Variants in AGBL1 observed in about 807,000 individuals in gnomAD.
The protein encoded by AGBL1 is AGBL carboxypeptidase 1.
AGBL1 carries 130 observed loss-of-function variants against 118.9 expected under a neutral mutation model. The ratio of observed to expected loss-of-function variants is 1.09; its 90% CI spans 0.95 to 1.26. The LOEUF (loss-of-function observed/expected upper bound fraction) is 1.26. Among genes scored for constraint, AGBL1 ranks in the 50% most tolerant of loss-of-function variants. The probability of loss-of-function intolerance (pLI) is 0.00; values close to 1 mark genes in which losing one functional copy is unlikely to be tolerated. For missense variants in AGBL1, 1,584 were observed against 1,298.1 expected (o/e 1.22, Z -3.38); for synonymous variants, 555 against 478.9 (o/e 1.16, Z -2.08).
At chr15:86,365,888 G>T (rs998325870) in intron 17 of AGBL1, among the ~76,000 whole-genome samples, 3 of 148,910 alleles carry the variant, frequency 2.0e-5, no homozygotes, top group African/African-American at 4.8e-5. Flanking sequence ...GACAAAAATT[G>T]ATATTTTATC....
intron 1 of AGBL1, among the ~76,000 whole-genome samples, chr15:86,119,307 G>A (rs1897947620): frequency 6.6e-6 from 1 of 151,816 alleles, no homozygotes; most frequent in South Asian, 2.1e-4. Context: ...GTGCTTAAGT[G>A]TAGGTAGGAC....
At position 86,632,067 on chromosome 15, in the gene AGBL1, C is replaced by T. The variant is rs138136497; in HGVS notation, c.2995-42206C>T. 8.6e-3 allele frequency among the ~76,000 whole-genome samples: 1,297 copies of T among 150,902 alleles called. 33 individuals carry two copies. Among genetic ancestry groups the T allele is most frequent in the Admixed American group, 0.051 (764 of 15,108 alleles). ...TTAAAGTTAACCAGGAGTTTGAGGGCAGTCTGCGCAAGCCTAGGGAGACCC... is the reference window on the plus strand; with the variant it reads ...TTAAAGTTAACCAGGAGTTTGAGGGTAGTCTGCGCAAGCCTAGGGAGACCC... On this transcript the variant is annotated intron_variant, in intron 21 of 22. Coordinates refer to ENST00000614907, the MANE Select transcript of AGBL1 (RefSeq NM_001386094.1).
intron 24 of AGBL1, among the ~76,000 whole-genome samples, chr15:87,012,709 A>C (rs1051136077): frequency 9.9e-5 from 15 of 151,930 alleles, no homozygotes; most frequent in Non-Finnish European, 4.4e-5. Context: ...ATACGAAAAA[A>C]ATTATTTTTT....
chr15:86,611,142 A>C (rs1184314351), intron 21 of AGBL1, among the ~76,000 whole-genome samples: 1 of 152,192 alleles, frequency 6.6e-6, no homozygotes, highest in Non-Finnish European at 1.5e-5. Context: ...GATAATGGGC[A>C]CTGCATTAAA....
intron 4 of AGBL1, among the ~76,000 whole-genome samples, chr15:86,158,216 C>G (rs16948771): frequency 6.6e-6 from 1 of 151,550 alleles, no homozygotes; most frequent in African/African-American, 2.4e-5. Context: ...CAGCCTCAGT[C>G]TCTATCTGAA....
At chr15:86,499,578 T>C (rs1261675657) in intron 18 of AGBL1, among the ~76,000 whole-genome samples, 1 of 151,876 alleles carries the variant, frequency 6.6e-6, no homozygotes, top group Non-Finnish European at 1.5e-5. Flanking sequence ...AGGAGGATTG[T>C]ACATTGACTT....
At chr15:86,288,208 T>C (rs1307708429) in intron 16 of AGBL1, among the ~76,000 whole-genome samples, 2 of 152,182 alleles carry the variant, frequency 1.3e-5, no homozygotes, top group Admixed American at 1.3e-4. Flanking sequence ...CTCAAATGTT[T>C]ATAAAAATCT....
At chr15:86,418,006 A>G (rs1211234812) in intron 18 of AGBL1, among the ~76,000 whole-genome samples, 3 of 152,142 alleles carry the variant, frequency 2.0e-5, no homozygotes, top group Admixed American at 2.0e-4. Context: ...TCTATAGTTG[A>G]TCTAGATGGA....
chr15:86,647,097 A>G (rs1340682996), intron 21 of AGBL1, among the ~76,000 whole-genome samples: 1 of 152,198 alleles, frequency 6.6e-6, no homozygotes, highest in Admixed American at 6.5e-5. Flanking sequence ...AGTGTAGCAA[A>G]TTAATTGATT....
chr15:86,103,447 A>G (rs913266710), intron 1 of AGBL1, among the ~76,000 whole-genome samples: 2 of 152,118 alleles, frequency 1.3e-5, no homozygotes, highest in African/African-American at 4.8e-5. Flanking sequence ...TTATGTTGAT[A>G]TCTGCGCATC....
intron 18 of AGBL1, among the ~76,000 whole-genome samples, chr15:86,449,372 G>A (rs34260887): frequency 0.27 from 40,542 of 152,136 alleles, 6,316 homozygotes; most frequent in East Asian, 0.67. Flanking sequence ...AACTCATACT[G>A]GCTGTCTTTC....
intron 17 of AGBL1, among the ~76,000 whole-genome samples, chr15:86,351,242 C>G (rs2080621456): frequency 6.6e-6 from 1 of 152,092 alleles, no homozygotes; most frequent in Admixed American, 6.5e-5. Flanking sequence ...AAGAGAGAGG[C>G]AAAAGGGGGC....
At chr15:86,351,917 C>T (rs975496515) in intron 17 of AGBL1, among the ~76,000 whole-genome samples, 1 of 152,128 alleles carries the variant, frequency 6.6e-6, no homozygotes, top group African/African-American at 2.4e-5. Context: ...GTTCTTTGAG[C>T]CTTTAACTTA....
intron 18 of AGBL1, among the ~76,000 whole-genome samples, chr15:86,445,552 C>G (rs1025767348): frequency 1.3e-5 from 2 of 152,126 alleles, no homozygotes; most frequent in Non-Finnish European, 2.9e-5. Flanking sequence ...TGGCAGATGC[C>G]CTGCTCCATA....
chr15:86,432,125 T>A lies in AGBL1; in HGVS notation c.2555+34579T>A, dbSNP rs573359186. Among the ~76,000 whole-genome samples the A allele has an allele frequency of 2.0e-5, 3 of 152,342 alleles. No homozygotes were observed. The East Asian group carries it at 5.8e-4, about 29-fold the overall frequency. On this transcript the variant is annotated intron_variant, in intron 18 of 22. Transcript: ENST00000614907. ...TTGCTAAGGACCTGGCATAAGGGCT[T>A]GAGTCCAGCTTGCCCTGGGATCCGA...
chr15:86,154,544 G>C lies in AGBL1; in HGVS notation c.377G>C (p.Arg126Pro). 2 of 1,610,300 alleles carry C rather than the reference G, an allele frequency of 1.2e-6. No homozygotes were observed. Among genetic ancestry groups the C allele is most frequent in the Non-Finnish European group, 8.5e-7 (1 of 1,178,040 alleles). ...CTCCTCCACTGTCTCTGGGCTCTGC[G>C]TGTGTTTGCCTCCAGTGGTAAGTGA... Reference protein sequence around the residue: ...QNLLHCLWALRVFASSVSMGA... With the variant: ...QNLLHCLWALPVFASSVSMGA... Residue 126 changes from arginine to proline, a missense_variant, in exon 4 of 23, where the codon CGT becomes CCT. Coordinates refer to ENST00000614907, the MANE Select transcript of AGBL1 (RefSeq NM_001386094.1).
At chr15:86,922,383 T>A (rs2080489880) in intron 23 of AGBL1, among the ~76,000 whole-genome samples, 1 of 152,180 alleles carries the variant, frequency 6.6e-6, no homozygotes, top group African/African-American at 2.4e-5. Context: ...CTCCGCCTCC[T>A]GGGTTCAAGA....
intron 16 of AGBL1, among the ~76,000 whole-genome samples, chr15:86,293,161 A>G (rs1031914457): frequency 5.3e-5 from 8 of 152,274 alleles, no homozygotes; most frequent in Admixed American, 5.2e-4. Flanking sequence ...TTACTTTAGG[A>G]CATTCTTTTT....
chr15:86,999,005 C>A (rs1596723360), intron 24 of AGBL1, among the ~76,000 whole-genome samples: 1 of 151,034 alleles, frequency 6.6e-6, no homozygotes, highest in South Asian at 2.1e-4. Flanking sequence ...AATGCTATCC[C>A]TTCCCCCACC....
Sources: gnomAD v4.1 joint callset for allele counts (sites outside exome capture counted in the v4.1 genomes callset) on GRCh38, gnomAD v4.1.1 for gene constraint, MANE v1.5 for transcripts, NCBI Gene and HGNC (gene_info 2026-07-23, HGNC 2026-07-21) for gene names.